ADGB: variants seen among roughly 807,000 people sequenced by gnomAD.
The protein encoded by ADGB is androglobin.
In ADGB, 172 loss-of-function variants were observed where a neutral mutation model predicts 210.5. The ratio of observed to expected loss-of-function variants is 0.82; its 90% CI spans 0.72 to 0.93. The LOEUF (loss-of-function observed/expected upper bound fraction) is 0.93, where lower values mean the gene tolerates loss of function less well. Among genes scored for constraint, ADGB ranks in the 40% least tolerant of loss-of-function variants. The pLI, the probability that ADGB is intolerant of heterozygous loss-of-function variation, is 0.00. For missense variants in ADGB, 2,025 were observed against 1,964.8 expected, an observed-to-expected ratio of 1.03 and a Z score of -0.58; for synonymous variants, 658 against 662.7, an observed-to-expected ratio of 0.99 and a Z score of 0.11.
chr6:146,784,142 A>T (rs1026276104), intron 30 of ADGB, among the ~76,000 whole-genome samples: 5 of 152,164 alleles, frequency 3.3e-5, no homozygotes, highest in African/African-American at 1.2e-4. Context: ...TCCCGAGTTT[A>T]TGGAAATAAT....
Position 146,667,026 on chromosome 6 carries a change from A to G in ADGB, c.839+124A>G, listed in dbSNP as rs142391861. On this transcript the variant is annotated intron_variant, in intron 7 of 35. Coordinates refer to ENST00000397944, the MANE Select transcript of ADGB (RefSeq NM_024694.4). ...TGTTTTGCAAAATTTGGGGGAAAAT[A>G]TCGTTTTGTAGTATTATATAAAGTT... 3.1e-3 allele frequency: 1,955 copies of G among 637,230 alleles called. 30 individuals carry two copies. The highest frequency in any genetic ancestry group is 0.029 in the East Asian group (1,048 of 36,086). The allele number at this position is 637,230 out of a possible 1,614,324, so 39.5% of individuals were successfully genotyped here.
At chr6:146,731,137 G>C (rs1335475179) in intron 20 of ADGB, among the ~76,000 whole-genome samples, 1 of 152,124 alleles carries the variant, frequency 6.6e-6, no homozygotes, top group Non-Finnish European at 1.5e-5. Flanking sequence ...ACAGTGTAAT[G>C]TATTTAACTG....
In ADGB at chr6:146,680,813, T is replaced by C. The variant is rs149906950; in HGVS notation, c.1216+4372T>C. ...GGGAAAAATAGAGAAATTTCTGAGATCACAGAACATACAAAATTGAAAAAG... is the reference window on the plus strand; with the variant it reads ...GGGAAAAATAGAGAAATTTCTGAGACCACAGAACATACAAAATTGAAAAAG... On this transcript the variant is annotated intron_variant, in intron 9 of 35. Coordinates refer to ENST00000397944, the MANE Select transcript of ADGB (RefSeq NM_024694.4). Among the ~76,000 whole-genome samples the C allele has an allele frequency of 4.1e-3, 618 of 152,224 alleles. 2 individuals are homozygous for C. Among genetic ancestry groups the C allele is most frequent in the African/African-American group, 0.014 (601 of 41,538 alleles).
intron 30 of ADGB, 134 bp downstream of exon 30, chr6:146,782,326 T>C: frequency 1.1e-6 from 1 of 914,484 alleles, no homozygotes; most frequent in Non-Finnish European, 1.6e-6. Context: ...CTAGATACTT[T>C]GAGGACATTC....
chr6:146,610,481 A>G (rs1487332134), intron 1 of ADGB, among the ~76,000 whole-genome samples: 2 of 152,104 alleles, frequency 1.3e-5, no homozygotes, highest in Non-Finnish European at 2.9e-5. Context: ...CTATTCCTTT[A>G]ATCATTGAAG....
chr6:146,752,318 C>T (rs1777334930), intron 26 of ADGB, among the ~76,000 whole-genome samples: 1 of 152,002 alleles, frequency 6.6e-6, no homozygotes, highest in African/African-American at 2.4e-5. Flanking sequence ...CACTCACTGT[C>T]ATGTGAATGG....
chr6:146,617,542 T>A (rs1042489925), intron 1 of ADGB, among the ~76,000 whole-genome samples: 2 of 152,096 alleles, frequency 1.3e-5, no homozygotes, highest in East Asian at 1.9e-4. Context: ...GCTTTCAATT[T>A]TTTTTTCCTA....
chr6:146,633,215 G>A (rs1351647204), intron 1 of ADGB, among the ~76,000 whole-genome samples: 5 of 152,080 alleles, frequency 3.3e-5, no homozygotes, highest in Admixed American at 3.3e-4. Context: ...CTATCTTAAA[G>A]TATATGCAGA....
chr6:146,775,259 G>GT (rs998438799), intron 29 of ADGB, among the ~76,000 whole-genome samples: 5 of 151,796 alleles, frequency 3.3e-5, no homozygotes, highest in Admixed American at 6.6e-5. Flanking sequence ...AATTTGTGGG[G>GT]TTTTTTTCAA....
rs186619952 is a variant in ADGB, at chr6:146,733,654, C to A, written c.2657-239C>A. Among the ~76,000 whole-genome samples the A allele has an allele frequency of 2.4e-3, 360 of 152,244 alleles. 3 individuals carry two copies. Among genetic ancestry groups the A allele is most frequent in the Non-Finnish European group, 1.7e-3 (116 of 68,016 alleles). On this transcript the variant is annotated intron_variant, in intron 21 of 35. Coordinates refer to ENST00000397944, the MANE Select transcript of ADGB (RefSeq NM_024694.4). ...TTTTATTTTTGAGAAAAATCTCTGG[C>A]TATATTCACACAGGAATCAATAGTA... is the stretch of plus-strand genomic sequence containing the variant.
At chr6:146,770,914 G>T (rs1777641494) in intron 29 of ADGB, among the ~76,000 whole-genome samples, 1 of 152,074 alleles carries the variant, frequency 6.6e-6, no homozygotes, top group South Asian at 2.1e-4. Flanking sequence ...CATGGAATAT[G>T]AATTTTGCCA....
At chr6:146,766,253 C>G (rs1400782631) in intron 28 of ADGB, among the ~76,000 whole-genome samples, 1 of 151,698 alleles carries the variant, frequency 6.6e-6, no homozygotes, top group African/African-American at 2.4e-5. Flanking sequence ...TAGAGAAACC[C>G]TTTCTTTATT....
At chr6:146,695,518 G>T (rs1406394326) in intron 12 of ADGB, among the ~76,000 whole-genome samples, 1 of 151,856 alleles carries the variant, frequency 6.6e-6, no homozygotes. Flanking sequence ...ATATTTTGAA[G>T]CACCTAAGTT....
chr6:146,603,987 T>G (rs35016702), intron 1 of ADGB, among the ~76,000 whole-genome samples: 14,051 of 152,166 alleles, frequency 0.092, 705 homozygotes, highest in East Asian at 0.2. Flanking sequence ...AGGGAGGTGC[T>G]CTCTGTAACC....
At chr6:146,667,489 C>T (rs995657252) in intron 7 of ADGB, among the ~76,000 whole-genome samples, 5 of 151,976 alleles carry the variant, frequency 3.3e-5, no homozygotes, top group Admixed American at 2.6e-4. Flanking sequence ...AGAGGGAAAA[C>T]AGAGTTTCTG....
intron 12 of ADGB, among the ~76,000 whole-genome samples, chr6:146,696,297 A>G (rs1238128562): frequency 1.3e-5 from 2 of 152,128 alleles, no homozygotes; most frequent in Non-Finnish European, 2.9e-5. Flanking sequence ...GCTGGTCTCT[A>G]TCTCCTGACC....
intron 35 of ADGB, among the ~76,000 whole-genome samples, chr6:146,811,895 C>A (rs1360693503): frequency 6.6e-6 from 1 of 152,064 alleles, no homozygotes; most frequent in Non-Finnish European, 1.5e-5. Flanking sequence ...AGGCTGATCT[C>A]GAACTCCTGA....
chr6:146,792,909 C>T (rs564683434), intron 33 of ADGB, among the ~76,000 whole-genome samples: 10 of 152,238 alleles, frequency 6.6e-5, no homozygotes, highest in African/African-American at 2.2e-4. Context: ...TCGCTGACTT[C>T]AAGAATGAAG....
intron 2 of ADGB, among the ~76,000 whole-genome samples, chr6:146,643,445 A>G (rs893560055): frequency 1.3e-5 from 2 of 151,798 alleles, no homozygotes; most frequent in Non-Finnish European, 2.9e-5. Context: ...TTCCTCAGGC[A>G]TTTCGTTTAT....
Sources: gnomAD v4.1 joint callset for allele counts (sites outside exome capture counted in the v4.1 genomes callset) on GRCh38, gnomAD v4.1.1 for gene constraint, MANE v1.5 for transcripts, NCBI Gene and HGNC (gene_info 2026-07-23, HGNC 2026-07-21) for gene names.